Variants in RORA observed in about 807,000 individuals in gnomAD.
RORA encodes the protein nuclear receptor ROR-alpha.
In RORA, 7 loss-of-function variants were observed where a neutral mutation model predicts 69.5. That is an observed-to-expected ratio of 0.10 (90% CI 0.06 to 0.19). The LOEUF (loss-of-function observed/expected upper bound fraction) is 0.19. RORA is among the 10% of genes least tolerant of loss of function. The pLI, the probability that RORA is intolerant of heterozygous loss-of-function variation, is 1.00. For missense variants in RORA, 457 were observed against 663.0 expected (o/e 0.69, Z 3.41); for synonymous variants, 261 against 240.8 (o/e 1.08, Z -0.78).
intron 1 of RORA, among the ~76,000 whole-genome samples, chr15:60,945,314 T>A (rs1275234919): frequency 6.6e-6 from 1 of 152,218 alleles, no homozygotes; most frequent in Non-Finnish European, 1.5e-5. Context: ...ACAGGGCTGA[T>A]ATCTCTGGGG....
At chr15:60,624,864 T>C (rs2069530226) in intron 2 of RORA, among the ~76,000 whole-genome samples, 1 of 152,130 alleles carries the variant, frequency 6.6e-6, no homozygotes, top group Non-Finnish European at 1.5e-5. Context: ...CTGTAAATAC[T>C]GAGCATTAGC....
At chr15:61,150,420 C>T (rs2079387744) in intron 1 of RORA, among the ~76,000 whole-genome samples, 2 of 152,150 alleles carry the variant, frequency 1.3e-5, no homozygotes, top group African/African-American at 4.8e-5. Flanking sequence ...CAGACAGTCT[C>T]ATACATTTGG....
chr15:60,712,667 G>A lies in RORA; in HGVS notation c.167-33981C>T, dbSNP rs529866389. Among the ~76,000 whole-genome samples the A allele has an allele frequency of 1.1e-4, 17 of 152,222 alleles. No homozygotes were observed. In the South Asian group the frequency reaches 1.2e-3, roughly 11 times the overall value. ...CTGGTACTTGTTCCCGAGGCCAGAA[G>A]ACAAGCCTTTCTTGCAAACTGCACA... On this transcript the variant is annotated intron_variant, in intron 1 of 10. Transcript: ENST00000335670.
At chr15:61,075,122 G>A (rs1418640224) in intron 1 of RORA, among the ~76,000 whole-genome samples, 3 of 151,598 alleles carry the variant, frequency 2.0e-5, no homozygotes, top group Admixed American at 6.6e-5. Context: ...GAGTAACAGC[G>A]GCACGTTCAG....
intron 2 of RORA, among the ~76,000 whole-genome samples, chr15:60,631,855 G>C (rs573133468): frequency 6.6e-6 from 1 of 152,172 alleles, no homozygotes; most frequent in Non-Finnish European, 1.5e-5. Flanking sequence ...CAGGTGGGCC[G>C]CTGGGGCGAT....
intron 2 of RORA, among the ~76,000 whole-genome samples, chr15:60,595,466 G>C (rs1292351561): frequency 6.6e-6 from 1 of 151,366 alleles, no homozygotes; most frequent in East Asian, 1.9e-4. Context: ...AGTGAGCTGA[G>C]ATCACACCAC....
rs565906915 is a variant in RORA at position 61,128,667 on chromosome 15, G to A, written c.166+100386C>T. Among the ~76,000 whole-genome samples the A allele has an allele frequency of 1.2e-3, 185 of 152,292 alleles. 2 individuals are homozygous for A. The South Asian group carries it at 0.023, about 19-fold the overall frequency. On this transcript the variant is annotated intron_variant, in intron 1 of 10. Coordinates refer to ENST00000335670, the MANE Select transcript of RORA (RefSeq NM_134261.3). The surrounding 1 kb of genome is among the most constrained non-coding windows in gnomAD (Gnocchi z 4.5). The stretch of plus-strand genomic sequence containing the variant: ...GTTCTTTCTCTGGTTCCAACTGCCA[G>A]GGACACATATGAATGCTGTGATATC...
At chr15:60,614,854 T>C (rs761005609) in intron 2 of RORA, 2 of 1,560,504 alleles carry the variant, frequency 1.3e-6, no homozygotes, top group Non-Finnish European at 1.8e-6. Flanking sequence ...CTTACATACA[T>C]ATAGCTGCCT....
At position 60,637,672 on chromosome 15, in the gene RORA, C is replaced by T. The variant is rs1460051152; in HGVS notation, c.196+40985G>A. Among the ~76,000 whole-genome samples the T allele has an allele frequency of 2.0e-5, 3 of 152,098 alleles. No individual in the cohort carries two copies. The East Asian group carries it at 5.8e-4, about 29-fold the overall frequency. On this transcript the variant is annotated intron_variant, in intron 2 of 10. Coordinates refer to ENST00000335670, the MANE Select transcript of RORA (RefSeq NM_134261.3). ...ACAATTTATTACTTTTTCCCCACAG[C>T]TTATATATGTATTCTATTGACACAT...
chr15:60,631,210 C>T (rs1032771907), intron 2 of RORA, among the ~76,000 whole-genome samples: 5 of 152,154 alleles, frequency 3.3e-5, no homozygotes, highest in African/African-American at 9.7e-5. Context: ...ACTTTCTAAC[C>T]CAGCTTTCTT....
intron 1 of RORA, among the ~76,000 whole-genome samples, chr15:61,190,206 T>C (rs754366201): frequency 1.3e-5 from 2 of 152,106 alleles, no homozygotes; most frequent in Non-Finnish European, 2.9e-5. Flanking sequence ...TGTGTCTTGC[T>C]GTAAGAACAT....
At chr15:61,096,680 A>G (rs1397915176) in intron 1 of RORA, among the ~76,000 whole-genome samples, 3 of 152,178 alleles carry the variant, frequency 2.0e-5, no homozygotes, top group Non-Finnish European at 2.9e-5. Context: ...TGGAGCTCAC[A>G]CAAAGAGCTT....
chr15:60,786,070 G>A (rs898166167), intron 1 of RORA, among the ~76,000 whole-genome samples: 3 of 152,184 alleles, frequency 2.0e-5, no homozygotes, highest in Non-Finnish European at 4.4e-5. Flanking sequence ...CCTTTGCAAG[G>A]AACCCTGTGG....
chr15:60,947,901 G>A (rs1336974469), intron 1 of RORA, among the ~76,000 whole-genome samples: 2 of 152,110 alleles, frequency 1.3e-5, no homozygotes, highest in Admixed American at 1.3e-4. Context: ...CTCAGGGGCA[G>A]CTATTTGTGG....
At chr15:61,178,680 A>C (rs2079653532) in intron 1 of RORA, among the ~76,000 whole-genome samples, 1 of 152,172 alleles carries the variant, frequency 6.6e-6, no homozygotes, top group Non-Finnish European at 1.5e-5. Flanking sequence ...TATGTGAAGA[A>C]ACAAAAAATC....
intron 4 of RORA, among the ~76,000 whole-genome samples, chr15:60,514,061 A>C (rs2141334427): frequency 6.6e-6 from 1 of 152,326 alleles, no homozygotes; most frequent in South Asian, 2.1e-4. Context: ...CTATTCCTTA[A>C]AGTAGCTTCA....
At chr15:61,106,874 A>T (rs573992335) in intron 1 of RORA, among the ~76,000 whole-genome samples, 21 of 152,344 alleles carry the variant, frequency 1.4e-4, no homozygotes, top group African/African-American at 5.1e-4. Context: ...AAGTAGAAAG[A>T]GGGGATAAGG....
intron 1 of RORA, among the ~76,000 whole-genome samples, chr15:61,036,863 G>T (rs1017534666): frequency 6.6e-6 from 1 of 151,884 alleles, no homozygotes; most frequent in East Asian, 1.9e-4. Context: ...AAAGCTTGAG[G>T]TACAGAACAG....
intron 1 of RORA, among the ~76,000 whole-genome samples, chr15:60,931,995 A>C (rs1833101064): frequency 6.6e-6 from 1 of 152,138 alleles, no homozygotes; most frequent in South Asian, 2.1e-4. Context: ...CTAATCCTGA[A>C]TTCTCAAAGC....
Sources: allele counts gnomAD v4.1 joint callset (sites outside exome capture counted in the v4.1 genomes callset), GRCh38; gene constraint gnomAD v4.1.1; non-coding constraint Gnocchi (gnomAD v3.1); transcripts MANE v1.5; gene names NCBI Gene and HGNC (gene_info 2026-07-23, HGNC 2026-07-21).